The following PCDH15 variants were observed in gnomAD, a reference collection of about 807,000 sequenced individuals.
PCDH15 encodes the protein protocadherin related 15, also known as protocadherin-15.
A neutral mutation model predicts 178.5 loss-of-function variants in PCDH15; 129 were observed. The ratio of observed to expected loss-of-function variants is 0.72; its 90% CI spans 0.63 to 0.84. The LOEUF is 0.84. PCDH15 is among the 40% of genes least tolerant of loss of function. PCDH15 has a pLI of 0.00. For missense variants in PCDH15, 2,230 were observed against 2,099.9 expected, an observed-to-expected ratio of 1.06 and a Z score of -1.21; for synonymous variants, 800 against 732.0, an observed-to-expected ratio of 1.09 and a Z score of -1.50.
intron 10 of PCDH15, among the ~76,000 whole-genome samples, chr10:54,206,528 T>A (rs1293466933): frequency 1.3e-5 from 2 of 152,164 alleles, no homozygotes; most frequent in African/African-American, 4.8e-5. Flanking sequence ...CACTGAGGTC[T>A]GATCCCATTC....
intron 26 of PCDH15, among the ~76,000 whole-genome samples, chr10:53,879,729 C>T (rs960179824): frequency 6.6e-6 from 1 of 152,162 alleles, no homozygotes; most frequent in Admixed American, 6.5e-5. Flanking sequence ...CTCAGCCTCT[C>T]GAGTACCAGG....
At chr10:55,540,070 T>C (rs1433024157) in intron 2 of PCDH15, among the ~76,000 whole-genome samples, 1 of 152,112 alleles carries the variant, frequency 6.6e-6, no homozygotes, top group African/African-American at 2.4e-5. Flanking sequence ...TTAACCAAAC[T>C]GCTAAACATG....
chr10:54,383,984 A>C (rs2135162002), intron 3 of PCDH15, among the ~76,000 whole-genome samples: 2 of 81,206 alleles, frequency 2.5e-5, no homozygotes, highest in African/African-American at 9.4e-5. Flanking sequence ...ACAAACAGTT[A>C]ATTTTTTTTT....
At chr10:55,007,162 C>G (rs1186110261) in intron 2 of PCDH15, among the ~76,000 whole-genome samples, 1 of 152,150 alleles carries the variant, frequency 6.6e-6, no homozygotes, top group African/African-American at 2.4e-5. Context: ...CCTGTGCAGC[C>G]TACAGAACTG....
At chr10:54,700,039 C>T (rs1311670469) in intron 1 of PCDH15, among the ~76,000 whole-genome samples, 1 of 152,140 alleles carries the variant, frequency 6.6e-6, no homozygotes, top group East Asian at 1.9e-4. Context: ...AGGGGCTAAA[C>T]TAACAAAGCT....
chr10:55,540,235 T>C (rs533526061), intron 2 of PCDH15, among the ~76,000 whole-genome samples: 2 of 152,242 alleles, frequency 1.3e-5, no homozygotes, highest in Admixed American at 1.3e-4. Context: ...ATTTCTAAGC[T>C]AAATTTTGAT....
In PCDH15 at chr10:55,297,168, T is replaced by A. The variant is rs139542952; in HGVS notation, c.-156+22431A>T. Among the ~76,000 whole-genome samples, 1,020 of 151,842 alleles carry A rather than the reference T, an allele frequency of 6.7e-3. 13 individuals are homozygous for A. Among genetic ancestry groups the A allele is most frequent in the African/African-American group, 0.022 (914 of 41,418 alleles). On this transcript the variant is annotated intron_variant, in intron 1 of 5. Coordinates refer to the PCDH15 transcript ENST00000458638. ...TTATAAATAAGAACATTATACAGTA[T>A]GTTAGAAAAAAAATACCCTAAAGAA...
chr10:53,976,813 A>C (rs754365492), intron 21 of PCDH15, among the ~76,000 whole-genome samples: 4 of 151,884 alleles, frequency 2.6e-5, no homozygotes, highest in African/African-American at 4.8e-5. Flanking sequence ...ATAAACATAG[A>C]AATTAACCTT....
chr10:54,143,747 A>C (rs2043620584), intron 14 of PCDH15, among the ~76,000 whole-genome samples: 3 of 152,172 alleles, frequency 2.0e-5, no homozygotes, highest in Admixed American at 2.0e-4. Flanking sequence ...TGCTTTAAGT[A>C]TATTAAGTAG....
intron 13 of PCDH15, among the ~76,000 whole-genome samples, chr10:54,153,659 CAT>C (rs1195123249): frequency 2.0e-5 from 3 of 152,100 alleles, no homozygotes; most frequent in African/African-American, 7.2e-5. Flanking sequence ...ATTCTTGACA[CAT>C]AAACTCATAT....
chr10:55,283,736 A>T, intron 1 of PCDH15, among the ~76,000 whole-genome samples: 1 of 151,672 alleles, frequency 6.6e-6, no homozygotes, highest in East Asian at 1.9e-4. Flanking sequence ...ATGGCTTGTA[A>T]CACTTTCTAG....
chr10:55,622,038 A>T (rs1268810817), intron 2 of PCDH15, among the ~76,000 whole-genome samples: 4 of 139,956 alleles, frequency 2.9e-5, no homozygotes, highest in East Asian at 4.0e-4. Flanking sequence ...ATGTATATAT[A>T]ATATATATAT....
chr10:54,571,045 A>T (rs1029036308), intron 2 of PCDH15, among the ~76,000 whole-genome samples: 11 of 152,168 alleles, frequency 7.2e-5, no homozygotes, highest in African/African-American at 2.6e-4. Flanking sequence ...AAAGTGAGGC[A>T]AAAGCCACCA....
intron 11 of PCDH15, among the ~76,000 whole-genome samples, chr10:54,194,610 A>ATGTC (rs1554833245): frequency 6.6e-6 from 1 of 150,714 alleles, no homozygotes; most frequent in African/African-American, 2.4e-5. Flanking sequence ...TTTTATATAT[A>ATGTC]TGTGTGTGTG....
intron 1 of PCDH15, among the ~76,000 whole-genome samples, chr10:55,225,894 C>T (rs147384691): frequency 3.3e-5 from 5 of 151,842 alleles, no homozygotes; most frequent in African/African-American, 9.7e-5. Flanking sequence ...ATTTGGGGAC[C>T]GTGGGTACAG....
intron 15 of PCDH15, among the ~76,000 whole-genome samples, chr10:54,127,109 CA>C (rs998017145): frequency 6.6e-6 from 1 of 151,366 alleles, no homozygotes; most frequent in African/African-American, 2.4e-5. Context: ...CAGCCAAAAA[CA>C]AAAAAAAGAG....
At chr10:54,513,000 C>A (rs1173518291) in intron 3 of PCDH15, among the ~76,000 whole-genome samples, 1 of 151,862 alleles carries the variant, frequency 6.6e-6, no homozygotes, top group Admixed American at 6.6e-5. Context: ...CTTCATCTGT[C>A]ATATGAAATT....
intron 2 of PCDH15, among the ~76,000 whole-genome samples, chr10:54,972,278 G>A (rs945448513): frequency 2.0e-5 from 3 of 152,162 alleles, no homozygotes; most frequent in African/African-American, 7.2e-5. Context: ...GGTGGCTCAT[G>A]CCTGTAATCC....
chr10:55,551,469 A>C (rs1410177874), intron 2 of PCDH15, among the ~76,000 whole-genome samples: 2 of 151,878 alleles, frequency 1.3e-5, no homozygotes, highest in Non-Finnish European at 2.9e-5. Flanking sequence ...CAGTCTGGTA[A>C]TAAGAAATGT....
Sources: gnomAD v4.1 joint callset for allele counts (sites outside exome capture counted in the v4.1 genomes callset) on GRCh38, gnomAD v4.1.1 for gene constraint, MANE v1.5 for transcripts, NCBI Gene and HGNC (gene_info 2026-07-23, HGNC 2026-07-21) for gene names.